TTLL5: variants seen among roughly 807,000 people sequenced by gnomAD.
TTLL5 encodes the protein tubulin polyglutamylase TTLL5.
A neutral mutation model predicts 168.4 loss-of-function variants in TTLL5; 132 were observed. The observed-to-expected ratio is 0.78, with a 90% CI of 0.68 to 0.91. The LOEUF (loss-of-function observed/expected upper bound fraction) is 0.91. Ranked by LOEUF, TTLL5 falls within the 40% of genes least tolerant of loss-of-function variation. TTLL5 has a pLI of 0.00. For missense variants in TTLL5, 1,545 were observed against 1,581.5 expected (o/e 0.98, Z 0.39); for synonymous variants, 546 against 558.6 (o/e 0.98, Z 0.32).
intron 31 of TTLL5, among the ~76,000 whole-genome samples, chr14:75,911,860 C>T (rs1448496095): frequency 2.6e-5 from 4 of 152,310 alleles, no homozygotes; most frequent in African/African-American, 4.8e-5. Context: ...TAATCATCAT[C>T]GTACATGTGT....
intron 23 of TTLL5, among the ~76,000 whole-genome samples, chr14:75,778,915 A>G (rs1200977367): frequency 2.0e-5 from 3 of 152,192 alleles, no homozygotes; most frequent in African/African-American, 2.4e-5. Context: ...AGGGAATTCT[A>G]TGGTTATTGG....
At chr14:75,918,885 A>G (rs894759980) in intron 31 of TTLL5, among the ~76,000 whole-genome samples, 1 of 152,140 alleles carries the variant, frequency 6.6e-6, no homozygotes, top group Non-Finnish European at 1.5e-5. Flanking sequence ...GAGACAAGTT[A>G]TTAATGATTC....
At chr14:75,811,156 A>AGAGAGTGTGTGTGTGTGT (rs60194482) in intron 27 of TTLL5, among the ~76,000 whole-genome samples, 7 of 116,622 alleles carry the variant, frequency 6.0e-5, no homozygotes, top group African/African-American at 2.0e-4. Flanking sequence ...TGAAAGAAAG[A>AGAGAGTGTGTGTGTGTGT]GTGTGTGTGT....
intron 9 of TTLL5, chr14:75,710,271 A>G (rs1886974060): frequency 6.6e-6 from 1 of 152,236 alleles, no homozygotes; most frequent in Admixed American, 6.5e-5. Context: ...TGAGAACAAC[A>G]GTACCAATGT....
At chr14:75,847,917 C>A (rs917335157) in intron 28 of TTLL5, among the ~76,000 whole-genome samples, 2 of 150,774 alleles carry the variant, frequency 1.3e-5, no homozygotes, top group African/African-American at 4.9e-5. Context: ...GCTGGTGGTC[C>A]GGTAAGAGAA....
intron 23 of TTLL5, among the ~76,000 whole-genome samples, chr14:75,777,653 A>C (rs1891793686): frequency 6.6e-6 from 1 of 152,214 alleles, no homozygotes; most frequent in African/African-American, 2.4e-5. Flanking sequence ...GGATAAAAAA[A>C]CAGTAAGCCC....
intron 27 of TTLL5, among the ~76,000 whole-genome samples, chr14:75,818,713 C>G (rs1339260293): frequency 6.8e-6 from 1 of 147,452 alleles, no homozygotes; most frequent in Admixed American, 6.8e-5. Flanking sequence ...GTTAGCCAGG[C>G]TGGTCTCGGT....
Position 75,864,270 on chromosome 14 carries a change from G to A in TTLL5, c.3522+408G>A, listed in dbSNP as rs894143586. Among the ~76,000 whole-genome samples, 12 of 152,118 alleles carry A rather than the reference G, an allele frequency of 7.9e-5. No individual in the cohort carries two copies. In the South Asian group the frequency reaches 1.5e-3, roughly 18 times the overall value. On this transcript the variant is annotated intron_variant, in intron 29 of 31. Coordinates refer to ENST00000298832, the MANE Select transcript of TTLL5 (RefSeq NM_015072.5). ...GCCTTGATATACTTGGCATATGTGC[G>A]TGATATTACTCATTATCTAACAAGA...
intron 9 of TTLL5, among the ~76,000 whole-genome samples, chr14:75,713,245 AC>A (rs969734549): frequency 2.3e-4 from 35 of 152,250 alleles, no homozygotes; most frequent in African/African-American, 8.4e-4. Context: ...TGACATTGTA[AC>A]ATCATAACAC....
At chr14:75,870,838 C>T (rs1421014495) in intron 29 of TTLL5, among the ~76,000 whole-genome samples, 1 of 151,174 alleles carries the variant, frequency 6.6e-6, no homozygotes, top group East Asian at 1.9e-4. Context: ...CTCTGTCGCC[C>T]AGCTGGAGTG....
chr14:75,805,489 C>G (rs1893599191), intron 27 of TTLL5, among the ~76,000 whole-genome samples: 2 of 152,238 alleles, frequency 1.3e-5, no homozygotes, highest in African/African-American at 2.4e-5. Context: ...ACTTCTTTTT[C>G]CTCTCCATAC....
chr14:75,772,524 C>T (rs1469543890), intron 21 of TTLL5, among the ~76,000 whole-genome samples: 1 of 152,140 alleles, frequency 6.6e-6, no homozygotes, highest in Non-Finnish European at 1.5e-5. Flanking sequence ...CTTGTATAAT[C>T]ATTTTTACTG....
At chr14:75,663,321 T>C (rs980734599) in intron 2 of TTLL5, 98 bp downstream of exon 2, 13 of 1,176,144 alleles carry the variant, frequency 1.1e-5, no homozygotes, top group Non-Finnish European at 1.1e-5. Flanking sequence ...CTTTTACTTA[T>C]GTACTCTTTT....
intron 31 of TTLL5, among the ~76,000 whole-genome samples, chr14:75,931,586 G>A (rs2034278406): frequency 6.6e-6 from 1 of 152,070 alleles, no homozygotes; most frequent in African/African-American, 2.4e-5. Context: ...TCTAAAAGTG[G>A]TCTTTTAGAA....
intron 3 of TTLL5, among the ~76,000 whole-genome samples, chr14:75,677,599 G>C (rs977827127): frequency 2.0e-5 from 3 of 150,794 alleles, no homozygotes; most frequent in African/African-American, 7.3e-5. Context: ...GTTTCACCAT[G>C]TTTCCCAGGC....
chr14:75,663,702 A>G (rs1324359934), intron 2 of TTLL5, among the ~76,000 whole-genome samples: 1 of 152,230 alleles, frequency 6.6e-6, no homozygotes, highest in Non-Finnish European at 1.5e-5. Context: ...AGAGTTCTAT[A>G]GCCTGTGTTG....
In TTLL5 at chr14:75,764,663, A is replaced by G; in HGVS notation, c.1599A>G (p.Ser533=). Residue 533 remains serine (S), a synonymous_variant, in exon 19 of 32, where the codon TCA becomes TCG. Transcript: ENST00000298832. ...AATTGAAGATAGAGAGTCTGAATTC[A>G]AAGGCCAAGCTGCATGCTGCACTTT... The part of the protein sequence containing the change: ...APELKIESLN[S]KAKLHAALYE... The G allele has an allele frequency of 6.2e-7, 1 of 1,614,166 alleles. No homozygotes were observed. Among genetic ancestry groups the G allele is most frequent in the Non-Finnish European group, 8.5e-7 (1 of 1,180,002 alleles).
chr14:75,774,728 G>A (rs1459713818), intron 21 of TTLL5, among the ~76,000 whole-genome samples: 4 of 151,408 alleles, frequency 2.6e-5, no homozygotes, highest in Admixed American at 6.6e-5. Flanking sequence ...TTGCTTTGTC[G>A]CCTAGGTTGG....
intron 27 of TTLL5, among the ~76,000 whole-genome samples, chr14:75,799,501 A>G (rs191038588): frequency 5.3e-5 from 8 of 152,306 alleles, no homozygotes; most frequent in East Asian, 1.9e-4. Flanking sequence ...TATTCTGTTC[A>G]TCATGCTAGT....
Sources: allele counts gnomAD v4.1 joint callset (sites outside exome capture counted in the v4.1 genomes callset), GRCh38; gene constraint gnomAD v4.1.1; transcripts MANE v1.5; gene names NCBI Gene and HGNC (gene_info 2026-07-23, HGNC 2026-07-21).